PGM5: variants seen among roughly 807,000 people sequenced by gnomAD.
PGM5 encodes phosphoglucomutase 5, also known as phosphoglucomutase-like protein 5.
Under a neutral mutation model 59.2 loss-of-function variants are expected in PGM5, and 23 were observed. The observed-to-expected ratio is 0.39, with a 90% CI of 0.28 to 0.55. The LOEUF is 0.55. Among genes scored for constraint, PGM5 ranks in the 20% least tolerant of loss-of-function variants. The probability of loss-of-function intolerance (pLI) is 0.66; values close to 1 mark genes in which losing one functional copy is unlikely to be tolerated. For missense variants in PGM5, 574 were observed against 748.3 expected, an observed-to-expected ratio of 0.77 and a Z score of 2.72; for synonymous variants, 214 against 286.0, an observed-to-expected ratio of 0.75 and a Z score of 2.54.
At chr9:68,493,508 C>T (rs1472371661) in intron 9 of PGM5, among the ~76,000 whole-genome samples, 1 of 152,176 alleles carries the variant, frequency 6.6e-6, no homozygotes, top group East Asian at 1.9e-4. Context: ...CCTCCATTTA[C>T]TAAATACGTT....
intron 9 of PGM5, among the ~76,000 whole-genome samples, chr9:68,488,442 A>G (rs1824333603): frequency 6.6e-6 from 1 of 152,230 alleles, no homozygotes; most frequent in African/African-American, 2.4e-5. Context: ...TCTGGTGATA[A>G]CCACCCCACT....
At chr9:68,451,083 A>T (rs1823689049) in intron 6 of PGM5, among the ~76,000 whole-genome samples, 1 of 152,192 alleles carries the variant, frequency 6.6e-6, no homozygotes, top group Non-Finnish European at 1.5e-5. Context: ...ACCCACTTGA[A>T]CATCCATACA....
At chr9:68,499,781 C>T (rs1001526805) in intron 10 of PGM5, among the ~76,000 whole-genome samples, 7 of 152,162 alleles carry the variant, frequency 4.6e-5, no homozygotes, top group Non-Finnish European at 1.0e-4. Context: ...TACAGATGGG[C>T]TTTGTCTCTG....
chr9:68,376,813 C>CTTTCTTTCTTTG lies in PGM5; in HGVS notation c.262-1375_262-1374insGTTTCTTTCTTT, dbSNP rs1307387193. ...TCTTTCTTTCTTTCTTTCTTTCTTT[C>CTTTCTTTCTTTG]TTTCTTTCTTTCTTTCTTTCTCTTT... On this transcript the variant is annotated intron_variant, in intron 1 of 10. Transcript: ENST00000396396. Among the ~76,000 whole-genome samples the CTTTCTTTCTTTG allele has an allele frequency of 5.1e-4, 55 of 107,820 alleles. 3 individuals carry two copies. Among genetic ancestry groups the CTTTCTTTCTTTG allele is most frequent in the African/African-American group, 2.1e-3 (53 of 24,818 alleles). 70.7% of individuals were successfully genotyped at this position (107,820 alleles called of 152,430 possible). A position where few individuals can be genotyped will look rare whatever the true frequency, so the allele number is the denominator to read the frequency against.
chr9:68,487,439 C>T (rs1232576823), intron 9 of PGM5, among the ~76,000 whole-genome samples: 4 of 123,504 alleles, frequency 3.2e-5, no homozygotes, highest in Non-Finnish European at 6.4e-5. Context: ...TTCTCTCTCT[C>T]TCTCTCTCTG....
chr9:68,506,678 A>C (rs932069040), intron 10 of PGM5, among the ~76,000 whole-genome samples: 4 of 152,234 alleles, frequency 2.6e-5, no homozygotes, highest in South Asian at 4.1e-4. Context: ...AACTTGGAGA[A>C]TAAAGTAGAA....
At chr9:68,423,382 A>T (rs1587804385) in intron 6 of PGM5, among the ~76,000 whole-genome samples, 1 of 152,308 alleles carries the variant, frequency 6.6e-6, no homozygotes, top group East Asian at 1.9e-4. Context: ...CCACACCAAC[A>T]TCTACTATAT....
chr9:68,500,681 A>G (rs1554688595), intron 10 of PGM5, among the ~76,000 whole-genome samples: 1 of 152,146 alleles, frequency 6.6e-6, no homozygotes, highest in East Asian at 1.9e-4. Flanking sequence ...ACTATTCTAC[A>G]TCTCATGTTG....
chr9:68,475,233 C>T (rs1430255383), intron 7 of PGM5, among the ~76,000 whole-genome samples: 1 of 141,946 alleles, frequency 7.0e-6, no homozygotes, highest in South Asian at 2.2e-4. Flanking sequence ...CGAGGTTTCA[C>T]CATGTTGGCC....
chr9:68,466,244 G>T, intron 7 of PGM5: 1 of 1,177,224 alleles, frequency 8.5e-7, no homozygotes, highest in Non-Finnish European at 1.1e-6. Flanking sequence ...GCCTGTTGAA[G>T]GAATTCTTCT....
intron 10 of PGM5, among the ~76,000 whole-genome samples, chr9:68,503,656 G>A (rs1824612353): frequency 6.6e-6 from 1 of 152,180 alleles, no homozygotes; most frequent in Non-Finnish European, 1.5e-5. Flanking sequence ...GCATCTCTTT[G>A]GAGATGGCTT....
intron 2 of PGM5, among the ~76,000 whole-genome samples, chr9:68,379,727 T>G (rs1822017444): frequency 6.6e-6 from 1 of 151,996 alleles, no homozygotes; most frequent in Non-Finnish European, 1.5e-5. Context: ...ACTTTAAGAA[T>G]AGGCATATAT....
chr9:68,406,720 A>ATATATG lies in PGM5; in HGVS notation c.1043+14253_1043+14258dup, dbSNP rs1563996772. ...TATATATATATATATATATATATATATATATGTATATAGTGCTTACAGCAG... is the reference window on the plus strand; with the variant it reads ...TATATATATATATATATATATATATATATATGTATATGTATATAGTGCTTACAGCAG... On this transcript the variant is annotated intron_variant, in intron 6 of 10. Transcript: ENST00000396396. Among the ~76,000 whole-genome samples the ATATATG allele has an allele frequency of 2.7e-3, 204 of 76,570 alleles. 51 individuals carry two copies. The highest frequency in any genetic ancestry group is 4.2e-3 in the South Asian group (9 of 2,146). The allele number at this position is 76,570 out of a possible 152,430, so 50.2% of individuals were successfully genotyped here.
At chr9:68,448,894 G>C (rs1554684173) in intron 6 of PGM5, among the ~76,000 whole-genome samples, 2 of 152,200 alleles carry the variant, frequency 1.3e-5, no homozygotes, top group African/African-American at 2.4e-5. Flanking sequence ...GGAACCCCAG[G>C]AGGGGCCTCT....
At chr9:68,460,660 C>T (rs1180234163) in intron 6 of PGM5, among the ~76,000 whole-genome samples, 1 of 152,138 alleles carries the variant, frequency 6.6e-6, no homozygotes, top group African/African-American at 2.4e-5. Context: ...GAGTCAAAGA[C>T]CATAAAATAG....
Position 68,499,286 on chromosome 9 carries a change from T to C in PGM5, c.1539T>C (p.Ser513=). ...SRLIFRLSSS[S]GVRATLRLYA... is the part of the protein sequence containing the mutation. ...TCATCTTCCGGCTCAGTTCCTCCAG[T>C]GGTGTGCGGGCCACCCTCAGACTGT... is the stretch of plus-strand genomic sequence containing the variant. Residue 513 remains serine (S), a synonymous_variant, in exon 10 of 11, where the codon AGT becomes AGC. Transcript: ENST00000396396. 1 of 1,614,178 alleles carries C rather than the reference T, an allele frequency of 6.2e-7. No homozygotes were observed. The highest frequency in any genetic ancestry group is 8.5e-7 in the Non-Finnish European group (1 of 1,180,030).
intron 10 of PGM5, among the ~76,000 whole-genome samples, chr9:68,520,572 A>C (rs1478817819): frequency 1.3e-5 from 2 of 152,236 alleles, no homozygotes; most frequent in African/African-American, 4.8e-5. Context: ...GACACGTATA[A>C]AAATTACCTA....
chr9:68,472,763 G>A (rs552820979), intron 7 of PGM5, among the ~76,000 whole-genome samples: 136 of 152,298 alleles, frequency 8.9e-4, no homozygotes, highest in African/African-American at 3.2e-3. Flanking sequence ...ATAGGGTGTT[G>A]CTATGGTCAG....
At chr9:68,392,579 G>T (rs879965955) in intron 6 of PGM5, 106 bp downstream of exon 6, 1 of 1,533,954 alleles carries the variant, frequency 6.5e-7, no homozygotes, top group Non-Finnish European at 8.8e-7. Flanking sequence ...TTGGGAATGC[G>T]TTGAAAGCAT....
Sources: allele counts gnomAD v4.1 joint callset (sites outside exome capture counted in the v4.1 genomes callset), GRCh38; gene constraint gnomAD v4.1.1; transcripts MANE v1.5; gene names NCBI Gene and HGNC (gene_info 2026-07-23, HGNC 2026-07-21).